Variants in RHOBTB1 observed in about 807,000 individuals in gnomAD.
RHOBTB1 encodes the protein Rho related BTB domain containing 1.
Under a neutral mutation model 71.6 loss-of-function variants are expected in RHOBTB1, and 40 were observed. The ratio of observed to expected loss-of-function variants is 0.56; its 90% CI spans 0.43 to 0.73. The LOEUF is 0.73. Ranked by LOEUF, RHOBTB1 falls within the 30% of genes least tolerant of loss-of-function variation. The pLI, the probability that RHOBTB1 is intolerant of heterozygous loss-of-function variation, is 0.00. For synonymous variants in RHOBTB1, 319 were observed against 334.9 expected (o/e 0.95, Z 0.52); for missense variants, 797 against 894.0 (o/e 0.89, Z 1.38).
intron 8 of RHOBTB1, among the ~76,000 whole-genome samples, chr10:60,877,507 C>G (rs1165506172): frequency 6.6e-6 from 1 of 152,204 alleles, no homozygotes; most frequent in Non-Finnish European, 1.5e-5. Flanking sequence ...CTGGCTCTGT[C>G]ATCTGTTTTC....
At chr10:60,975,248 G>A (rs970585656) in intron 2 of RHOBTB1, among the ~76,000 whole-genome samples, 2 of 152,022 alleles carry the variant, frequency 1.3e-5, no homozygotes, top group African/African-American at 4.8e-5. Context: ...TCGTCAGAAT[G>A]TGTAAATGGC....
the RHOBTB1 span, among the ~76,000 whole-genome samples, chr10:60,863,933 C>T: frequency 5.3e-5 from 8 of 152,268 alleles, no homozygotes; most frequent in South Asian, 2.1e-4. Flanking sequence ...CAGGACTCCT[C>T]GTATGCTGCT....
At chr10:60,985,561 A>G (rs1419093839) in intron 2 of RHOBTB1, among the ~76,000 whole-genome samples, 2 of 152,362 alleles carry the variant, frequency 1.3e-5, no homozygotes, top group East Asian at 1.9e-4. Context: ...TTAACTGTGT[A>G]TAAAGTGGAT....
chr10:60,901,076 T>C (rs1283248111), intron 4 of RHOBTB1, among the ~76,000 whole-genome samples: 1 of 152,222 alleles, frequency 6.6e-6, no homozygotes, highest in Non-Finnish European at 1.5e-5. Flanking sequence ...AAGAAAGCCC[T>C]CTATTGCACA....
chr10:60,876,854 T>A (rs1488348697), intron 8 of RHOBTB1, among the ~76,000 whole-genome samples: 2 of 152,216 alleles, frequency 1.3e-5, no homozygotes, highest in Non-Finnish European at 2.9e-5. Flanking sequence ...ATCTTTTATT[T>A]TTTCTAAAGA....
intron 1 of RHOBTB1, among the ~76,000 whole-genome samples, chr10:60,987,621 A>T (rs2086710291): frequency 6.6e-6 from 1 of 151,994 alleles, no homozygotes; most frequent in African/African-American, 2.4e-5. Flanking sequence ...CCTGCTTCCA[A>T]TCTCCCATCA....
chr10:60,869,168 C>A (rs949610575), downstream of RHOBTB1, among the ~76,000 whole-genome samples: 1 of 152,228 alleles, frequency 6.6e-6, no homozygotes, highest in East Asian at 1.9e-4. Context: ...AGTTTCTCCC[C>A]CAACCCGCTC....
At chr10:60,955,047 T>C (rs796298261) in intron 2 of RHOBTB1, among the ~76,000 whole-genome samples, 79 of 145,768 alleles carry the variant, frequency 5.4e-4, no homozygotes, top group Middle Eastern at 3.5e-3. Context: ...TTCTTTCTTT[T>C]TTTTTTTTTT....
At chr10:60,865,039 T>C (rs1473273668), downstream of RHOBTB1, among the ~76,000 whole-genome samples, 1 of 152,182 alleles carries the variant, frequency 6.6e-6, no homozygotes, top group Non-Finnish European at 1.5e-5. Context: ...AGAAGTGATA[T>C]CTTGGTGACA....
chr10:60,885,122 CTATGGTGGACAA>C (rs2081508346), intron 7 of RHOBTB1, among the ~76,000 whole-genome samples: 1 of 150,094 alleles, frequency 6.7e-6, no homozygotes, highest in Admixed American at 6.6e-5. Flanking sequence ...AGTATGGTGA[CTATGGTGGACAA>C]TAATGTATCG....
At position 60,999,862 on chromosome 10, in the gene RHOBTB1, T is replaced by C. The variant is rs548112190; in HGVS notation, c.-163+1537A>G. On this transcript the variant is annotated intron_variant, in intron 1 of 11. Coordinates refer to the RHOBTB1 transcript ENST00000357917. Reference sequence around the variant, plus strand: ...TCACCCAACCGTAAGGTAAATGCCATTTCATATACAGCTTTTTGAAATGCA... The same window carrying C: ...TCACCCAACCGTAAGGTAAATGCCACTTCATATACAGCTTTTTGAAATGCA... 1.8e-4 allele frequency among the ~76,000 whole-genome samples: 28 copies of C among 152,312 alleles called. No homozygotes were observed. In the South Asian group the frequency reaches 2.5e-3, roughly 14 times the overall value.
At chr10:60,964,211 T>C (rs543016502) in intron 2 of RHOBTB1, among the ~76,000 whole-genome samples, 1 of 152,260 alleles carries the variant, frequency 6.6e-6, no homozygotes, top group East Asian at 1.9e-4. Flanking sequence ...TACTTAGGAA[T>C]AAACATGTTA....
chr10:60,989,757 T>C (rs1284438765), intron 1 of RHOBTB1, among the ~76,000 whole-genome samples: 2 of 152,044 alleles, frequency 1.3e-5, no homozygotes, highest in African/African-American at 2.4e-5. Context: ...CCCAGACATG[T>C]GCTCTGTGAT....
At chr10:60,893,025 T>C in intron 4 of RHOBTB1, 30 bp from the exon 5 acceptor site, 1 of 1,575,940 alleles carries the variant, frequency 6.3e-7, no homozygotes, top group Non-Finnish European at 8.7e-7. Flanking sequence ...GAAGCTTGTA[T>C]TGCCTTTTAA....
chr10:60,957,299 A>G (rs1296469656), intron 2 of RHOBTB1, among the ~76,000 whole-genome samples: 2 of 152,208 alleles, frequency 1.3e-5, no homozygotes, highest in African/African-American at 4.8e-5. Context: ...CTATACTTTT[A>G]TATGACCGTC....
intron 2 of RHOBTB1, among the ~76,000 whole-genome samples, chr10:60,933,188 C>T (rs892893023): frequency 6.6e-6 from 1 of 152,090 alleles, no homozygotes; most frequent in East Asian, 1.9e-4. Flanking sequence ...TAGCTTCTAG[C>T]TAGTATTTTT....
At chr10:60,897,809 C>A (rs1283352231) in intron 4 of RHOBTB1, among the ~76,000 whole-genome samples, 1 of 152,138 alleles carries the variant, frequency 6.6e-6, no homozygotes, top group Non-Finnish European at 1.5e-5. Context: ...CGGGTTCAAG[C>A]AACTCTCCTG....
In RHOBTB1 at chr10:60,877,891, T is replaced by C. The variant is rs1211853532; in HGVS notation, c.1726+17A>G. 3 of 1,610,498 alleles carry C rather than the reference T, an allele frequency of 1.9e-6. No individual in the cohort carries two copies. Among genetic ancestry groups the C allele is most frequent in the Non-Finnish European group, 2.5e-6 (3 of 1,178,420 alleles). On this transcript the variant is annotated intron_variant, in intron 8 of 10. Transcript: ENST00000337910. ...AAATATGACAGACACTGCATGGCCC[T>C]GAGTCATCATCCTTACCTGCAAGTG...
chr10:60,969,735 A>G (rs2086090249), intron 2 of RHOBTB1, among the ~76,000 whole-genome samples: 1 of 152,154 alleles, frequency 6.6e-6, no homozygotes, highest in Non-Finnish European at 1.5e-5. Context: ...GTCACCTTCA[A>G]TCTTGAGAGT....
Sources: allele counts gnomAD v4.1 joint callset (sites outside exome capture counted in the v4.1 genomes callset), GRCh38; gene constraint gnomAD v4.1.1; transcripts MANE v1.5; gene names NCBI Gene and HGNC (gene_info 2026-07-23, HGNC 2026-07-21).